The following ZNF182 variants were observed in gnomAD, a reference collection of about 807,000 sequenced individuals.
ZNF182 encodes zinc finger protein 182.
ZNF182 carries 10 observed loss-of-function variants against 28.1 expected under a neutral mutation model. That is an observed-to-expected ratio of 0.36 (90% CI 0.22 to 0.60). ZNF182 has a LOEUF of 0.60. ZNF182 is among the 20% of genes least tolerant of loss of function. The pLI, the probability that ZNF182 is intolerant of heterozygous loss-of-function variation, is 0.75. For missense variants in ZNF182, 352 were observed against 453.2 expected, an observed-to-expected ratio of 0.78 and a Z score of 2.03; for synonymous variants, 156 against 158.7, an observed-to-expected ratio of 0.98 and a Z score of 0.13.
intron 3 of ZNF182, among the ~76,000 whole-genome samples, chrX:47,995,100 G>C (rs1556900932): frequency 9.1e-6 from 1 of 109,466 alleles, no homozygotes; most frequent in African/African-American, 3.3e-5. Flanking sequence ...GGGAGGCTGA[G>C]GCGGGCAGAT....
intron 3 of ZNF182, among the ~76,000 whole-genome samples, chrX:47,986,573 A>G (rs191474905): frequency 8.9e-6 from 1 of 111,976 alleles, no homozygotes. Context: ...TACAGTTTTA[A>G]GTTGATAAGG....
At position 47,976,006 on chromosome X, in the gene ZNF182, G is replaced by A; in HGVS notation, c.*161C>T. ...TGTCAGATACAGAGATTACACTTCT[G>A]CTTTTTCTCCCGTAGCTTTTGGGTT... On this transcript the variant is annotated 3_prime_UTR_variant, in exon 6 of 6. Coordinates refer to ENST00000376943, the MANE Select transcript of ZNF182 (RefSeq NM_001007088.2). The A allele has an allele frequency of 5.9e-6, 3 of 510,419 alleles. No individual in the cohort carries two copies. Among genetic ancestry groups the A allele is most frequent in the Middle Eastern group, 5.3e-4 (1 of 1,873 alleles). 42.1% of individuals were successfully genotyped at this position (510,419 alleles called of 1,213,427 possible). A position where few individuals can be genotyped will look rare whatever the true frequency, so the allele number is the denominator to read the frequency against.
chrX:47,997,462 C>G (rs2058963032), intron 3 of ZNF182, among the ~76,000 whole-genome samples: 1 of 110,596 alleles, frequency 9.0e-6, no homozygotes, highest in Non-Finnish European at 1.9e-5. Context: ...GACTTCAGAG[C>G]CAAAACTCAT....
At chrX:47,982,726 G>A (rs2058910239) in intron 5 of ZNF182, among the ~76,000 whole-genome samples, 1 of 111,474 alleles carries the variant, frequency 9.0e-6, no homozygotes, top group African/African-American at 3.3e-5. Context: ...GAACTGTGCA[G>A]AAACTTGCAG....
intron 3 of ZNF182, among the ~76,000 whole-genome samples, chrX:47,995,058 G>A (rs1004291589): frequency 3.7e-4 from 41 of 109,395 alleles, no homozygotes; most frequent in African/African-American, 1.1e-3. Context: ...GAGGCCGGGC[G>A]CGGTGGCTCA....
At chrX:47,979,679 A>G (rs1439305135) in intron 5 of ZNF182, among the ~76,000 whole-genome samples, 2 of 111,349 alleles carry the variant, frequency 1.8e-5, no homozygotes, top group Non-Finnish European at 3.8e-5. Context: ...GAATCACCAC[A>G]TTACTGTAAA....
intron 3 of ZNF182, among the ~76,000 whole-genome samples, chrX:48,001,379 C>T (rs1556901897): frequency 8.9e-6 from 1 of 112,489 alleles, no homozygotes; most frequent in Non-Finnish European, 1.9e-5. Context: ...TACTGACACA[C>T]ACAACTTTGA....
chrX:47,979,136 T>C (rs2058895691), intron 5 of ZNF182, among the ~76,000 whole-genome samples: 2 of 112,406 alleles, frequency 1.8e-5, no homozygotes, highest in South Asian at 7.3e-4. Flanking sequence ...ATAGAAAAAG[T>C]TGAAAGAAGA....
chrX:47,982,773 G>C (rs551840705), intron 5 of ZNF182, among the ~76,000 whole-genome samples, 176 bp downstream of exon 5: 2 of 111,288 alleles, frequency 1.8e-5, no homozygotes, highest in South Asian at 7.7e-4. Flanking sequence ...CTGGTGTATG[G>C]GGGACAGCGG....
chrX:47,980,125 G>C (rs1170057638), intron 5 of ZNF182, among the ~76,000 whole-genome samples: 2 of 111,467 alleles, frequency 1.8e-5, no homozygotes, highest in African/African-American at 6.5e-5. Context: ...CCATAAAAAG[G>C]AATTAAATAC....
chrX:47,984,311 T>C (rs1748350028), intron 3 of ZNF182, among the ~76,000 whole-genome samples: 1 of 111,789 alleles, frequency 8.9e-6, no homozygotes, highest in Non-Finnish European at 1.9e-5. Flanking sequence ...TTACACACTA[T>C]TAGCAGGAAT....
intron 3 of ZNF182, among the ~76,000 whole-genome samples, chrX:47,987,454 T>C (rs1413880812): frequency 8.9e-6 from 1 of 112,855 alleles, no homozygotes; most frequent in Non-Finnish European, 1.9e-5. Flanking sequence ...AAACAAATTG[T>C]GTATTATATT....
At chrX:47,982,888 C>T (rs1372134243) in intron 5 of ZNF182, 61 bp downstream of exon 5, 18 of 1,072,467 alleles carry the variant, frequency 1.7e-5, no homozygotes, top group Non-Finnish European at 2.3e-5. Flanking sequence ...CAGAGGGCCT[C>T]ACCTCTGACT....
intron 3 of ZNF182, among the ~76,000 whole-genome samples, chrX:47,989,697 G>A (rs1309991481): frequency 8.9e-6 from 1 of 112,188 alleles, no homozygotes; most frequent in Non-Finnish European, 1.9e-5. Flanking sequence ...TTCTGAGTGT[G>A]TTCAGTGTAA....
chrX:47,996,622 T>G (rs1203538575), intron 3 of ZNF182, among the ~76,000 whole-genome samples: 3 of 112,409 alleles, frequency 2.7e-5, no homozygotes, highest in African/African-American at 9.7e-5. Context: ...CCAACTGTTA[T>G]GGACTGAATT....
Position 47,982,963 on chromosome X carries a change from A to G in ZNF182, c.218T>C (p.Phe73Ser). The G allele has an allele frequency of 8.3e-7, 1 of 1,210,902 alleles. No homozygotes were observed. Among genetic ancestry groups the G allele is most frequent in the African/African-American group, 1.7e-5 (1 of 57,646 alleles). The change falls in exon 5 of 6, where the codon TTT becomes TCT. Residue 73 changes from phenylalanine (F) to serine (S), a missense_variant. Phe to Ser is a radical substitution (Grantham distance 155). Transcript: ENST00000376943. ...ATTCCACTTACCTGGAAAGTTCCAAAATGGGATTTTTCCTTCTGCCGGGCA... is the reference window on the plus strand; with the variant it reads ...ATTCCACTTACCTGGAAAGTTCCAAGATGGGATTTTTCCTTCTGCCGGGCA... ...EECPAEGKIP[F>S]WNFPEVCQVD...
intron 3 of ZNF182, among the ~76,000 whole-genome samples, chrX:47,988,304 G>A (rs367789265): frequency 9.1e-6 from 1 of 110,236 alleles, no homozygotes; most frequent in East Asian, 2.9e-4. Context: ...GCAACAGAGT[G>A]AGAGACTGCC....
chrX:48,000,231 A>G (rs782069844), intron 3 of ZNF182, among the ~76,000 whole-genome samples: 47 of 111,917 alleles, frequency 4.2e-4, no homozygotes, highest in Middle Eastern at 4.7e-3. Flanking sequence ...ATGCAAAATG[A>G]TGAAACCTGA....
intron 3 of ZNF182, among the ~76,000 whole-genome samples, chrX:47,997,196 G>A (rs1309031158): frequency 9.3e-6 from 1 of 107,738 alleles, no homozygotes; most frequent in Non-Finnish European, 1.9e-5. Flanking sequence ...GTGTGTGCCT[G>A]TGGTCCCAGC....
Sources: gnomAD v4.1 joint callset for allele counts (sites outside exome capture counted in the v4.1 genomes callset) on GRCh38, gnomAD v4.1.1 for gene constraint, MANE v1.5 for transcripts, NCBI Gene and HGNC (gene_info 2026-07-23, HGNC 2026-07-21) for gene names.